Variants in AMER1 observed in about 807,000 individuals in gnomAD.
The protein encoded by AMER1 is APC membrane recruitment protein 1, also known as RP11-403E24.2.
A neutral mutation model predicts 53.0 loss-of-function variants in AMER1; 16 were observed. The observed-to-expected ratio is 0.30, with a 90% confidence interval of 0.20 to 0.46. AMER1 has a LOEUF of 0.46. Ranked by LOEUF, AMER1 falls within the 20% of genes least tolerant of loss-of-function variation. AMER1 has a pLI of 1.00. For missense variants in AMER1, 947 were observed against 884.9 expected (o/e 1.07, Z -0.89); for synonymous variants, 354 against 331.9 (o/e 1.07, Z -0.73).
At position 64,193,138 on chromosome X, in the gene AMER1, C is replaced by T. The variant is rs2147091201; in HGVS notation, c.149G>A (p.Gly50Asp). Residue 50 changes from glycine (G) to aspartate (D), a missense_variant, in exon 2 of 2, where the codon GGT (glycine) becomes GAT (aspartate). Coordinates refer to ENST00000374869, the MANE Select transcript of AMER1 (RefSeq NM_152424.4). ...PTSEPSSSGP[G>D]RLKKTAMKLF... is the part of the protein sequence containing the mutation. ...TTTCATGGCAGTTTTCTTCAGCCTA[C>T]CTGGGCCGGATGAGGATGGCTCTGA... 1 of 1,211,994 alleles carries T rather than the reference C, an allele frequency of 8.3e-7. No homozygotes were observed.
rs2147089044 is a variant in AMER1 at position 64,192,182 on chromosome X, C to T, written c.1105G>A (p.Gly369Arg). 8.3e-7 allele frequency: 1 copy of T among 1,212,019 alleles called. No individual in the cohort carries two copies. The highest frequency in any genetic ancestry group is 1.1e-6 in the Non-Finnish European group (1 of 895,553). Reference sequence around the variant, plus strand: ...TCATCTGGCAAGGCCATCTCCTCCCCACCTCCTTGGTAGGTCACCAGGCAG... The same window carrying T: ...TCATCTGGCAAGGCCATCTCCTCCCTACCTCCTTGGTAGGTCACCAGGCAG... Reference protein sequence around the residue: ...SSCLVTYQGGGEEMALPDDDD... With the variant: ...SSCLVTYQGGREEMALPDDDD... Residue 369 changes from glycine (G) to arginine (R), a missense_variant, in exon 2 of 2, where the codon GGG becomes AGG. Gly to Arg is a moderately radical substitution (Grantham distance 125). Coordinates refer to ENST00000374869, the MANE Select transcript of AMER1 (RefSeq NM_152424.4).
intron 1 of AMER1, among the ~76,000 whole-genome samples, chrX:64,203,130 TTG>T (rs1569194585): frequency 1.8e-5 from 2 of 112,253 alleles, no homozygotes; most frequent in African/African-American, 6.5e-5. Context: ...TCCAAGTAGT[TTG>T]TCTCTTGGCT....
In AMER1 at chrX:64,191,612, C is replaced by T; in HGVS notation, c.1675G>A (p.Glu559Lys). 1 of 1,212,536 alleles carries T rather than the reference C, an allele frequency of 8.2e-7. No homozygotes were observed. The highest frequency in any genetic ancestry group is 1.1e-6 in the Non-Finnish European group (1 of 895,690). Reference sequence around the variant, plus strand: ...TGTTTCTGGATGGTCACTAGCCGTTCTTCCTCTGTCTCCATTGCCCCAGGT... The same window carrying T: ...TGTTTCTGGATGGTCACTAGCCGTTTTTCCTCTGTCTCCATTGCCCCAGGT... ...RPPGAMETEE[E>K]RLVTIQKQLL... Residue 559 changes from glutamate to lysine, a missense_variant, in exon 2 of 2, where the codon GAA (glutamate) becomes AAA (lysine). Glu to Lys is a moderately conservative substitution (Grantham distance 56). Coordinates refer to ENST00000374869, the MANE Select transcript of AMER1 (RefSeq NM_152424.4).
Position 64,192,909 on chromosome X carries a change from T to C in AMER1, c.378A>G (p.Gln126=). The change falls in exon 2 of 2, where the codon CAA becomes CAG. Residue 126 remains glutamine (Q), a synonymous_variant. Coordinates refer to ENST00000374869, the MANE Select transcript of AMER1 (RefSeq NM_152424.4). ...FSLPLPELPC[Q]FPSSQSAHGA... is the part of the protein sequence containing the mutation. ...CATGGGCACTCTGAGAGCTGGGAAA[T>C]TGGCAGGGTAACTCAGGCAAAGGCA... is the stretch of plus-strand genomic sequence containing the variant. 8.3e-7 allele frequency: 1 copy of C among 1,211,650 alleles called. No individual in the cohort carries two copies. The highest frequency in any genetic ancestry group is 1.1e-6 in the Non-Finnish European group (1 of 895,516).
chrX:64,186,924 T>C lies in AMER1; in HGVS notation c.*2955A>G, dbSNP rs758377757. On this transcript the variant is annotated 3_prime_UTR_variant, in exon 2 of 2. Transcript: ENST00000374869. Reference sequence around the variant, plus strand: ...TCACAGCTGTCTGGCACTAGGCCTATTGGGTAATAAGATGAAGGCAGCTAC... The same window carrying C: ...TCACAGCTGTCTGGCACTAGGCCTACTGGGTAATAAGATGAAGGCAGCTAC... The C allele has an allele frequency of 2.8e-5, 22 of 772,806 alleles. No homozygotes were observed. In the Admixed American group the frequency reaches 1.6e-3, roughly 56 times the overall value. The allele number at this position is 772,806 out of a possible 1,213,427, so 63.7% of individuals were successfully genotyped here. A position where few individuals can be genotyped will look rare whatever the true frequency, so the allele number is the denominator to read the frequency against.
Position 64,191,314 on chromosome X carries a change from G to T in AMER1, c.1973C>A (p.Pro658His), listed in dbSNP as rs773774270. The T allele has an allele frequency of 5.0e-6, 6 of 1,211,493 alleles. No homozygotes were observed. The highest frequency in any genetic ancestry group is 6.7e-6 in the Non-Finnish European group (6 of 895,410). The change falls in exon 2 of 2, where the codon CCC (proline) becomes CAC (histidine). Residue 658 changes from proline (P) to histidine (H), a missense_variant. Coordinates refer to ENST00000374869, the MANE Select transcript of AMER1 (RefSeq NM_152424.4). ...EKPVLEYQMR[P>H]LGPSVMGLAA... ...CAGGCCCATCACTGATGGGCCTAAG[G>T]GCCTCATCTGATACTCTAAGACGGG... is the stretch of plus-strand genomic sequence containing the variant.
At position 64,187,140 on chromosome X, in the gene AMER1, C is replaced by T. The variant is rs1930126543; in HGVS notation, c.*2739G>A. ...TCTGTGTTTGGAAACAGGCCTGAAG[C>T]TTGGCTGGCTCTCCCAATGTCACCC... On this transcript the variant is annotated 3_prime_UTR_variant, in exon 2 of 2. Coordinates refer to ENST00000374869, the MANE Select transcript of AMER1 (RefSeq NM_152424.4). 1 of 785,075 alleles carries T rather than the reference C, an allele frequency of 1.3e-6. No individual in the cohort carries two copies. Among genetic ancestry groups the T allele is most frequent in the Admixed American group, 8.1e-5 (1 of 12,346 alleles). 64.7% of individuals were successfully genotyped at this position (785,075 alleles called of 1,213,427 possible). A position where few individuals can be genotyped will look rare whatever the true frequency, so the allele number is the denominator to read the frequency against.
At chrX:64,199,551 A>G (rs1431398706) in intron 1 of AMER1, among the ~76,000 whole-genome samples, 2 of 111,820 alleles carry the variant, frequency 1.8e-5, no homozygotes, top group African/African-American at 3.3e-5. Flanking sequence ...GCAAACTGGT[A>G]ACTACATACT....
In AMER1 at chrX:64,189,484, ATGTGTG is replaced by A. The variant is rs1175889958; in HGVS notation, c.*389_*394del. 115 of 390,336 alleles carry A rather than the reference ATGTGTG, an allele frequency of 2.9e-4. No homozygotes were observed. Among genetic ancestry groups the A allele is most frequent in the African/African-American group, 5.1e-4 (7 of 13,667 alleles). The allele number at this position is 390,336 out of a possible 1,213,427, so 32.2% of individuals were successfully genotyped here. A position where few individuals can be genotyped will look rare whatever the true frequency, so the allele number is the denominator to read the frequency against. On this transcript the variant is annotated 3_prime_UTR_variant, in exon 2 of 2. Transcript: ENST00000374869. ...TGTGTTTGTGTGTGTGTGTGTATGT[ATGTGTG>A]TGTGTGTGTGTGTGTGTGTGTGTGT...
Position 64,190,541 on chromosome X carries a change from G to A in AMER1, c.2746C>T (p.Leu916Phe), listed in dbSNP as rs781115849. 8.3e-7 allele frequency: 1 copy of A among 1,211,874 alleles called. No homozygotes were observed. The highest frequency in any genetic ancestry group is 3.0e-5 in the East Asian group (1 of 33,833). Reference sequence around the variant, plus strand: ...TGGGCCTGCAGCTCATCAGACTCGAGGTAGCCCTGGACCAAGTGGGAATTG... The same window carrying A: ...TGGGCCTGCAGCTCATCAGACTCGAAGTAGCCCTGGACCAAGTGGGAATTG... ...LSNSHLVQGY[L>F]ESDELQAQQE... Residue 916 changes from leucine to phenylalanine, a missense_variant, in exon 2 of 2, where the codon CTC (leucine) becomes TTC (phenylalanine). Coordinates refer to ENST00000374869, the MANE Select transcript of AMER1 (RefSeq NM_152424.4).
At chrX:64,204,490 A>G (rs1930554342) in intron 1 of AMER1, among the ~76,000 whole-genome samples, 1 of 113,348 alleles carries the variant, frequency 8.8e-6, no homozygotes, top group Non-Finnish European at 1.9e-5. Flanking sequence ...CACCAGTGTC[A>G]GAAGTGTCTC....
In AMER1 at chrX:64,192,942, G is replaced by A; in HGVS notation, c.345C>T (p.Gly115=). The A allele has an allele frequency of 1.7e-6, 2 of 1,211,726 alleles. No homozygotes were observed. The highest frequency in any genetic ancestry group is 2.2e-6 in the Non-Finnish European group (2 of 895,525). The change falls in exon 2 of 2, where the codon GGC becomes GGT. Residue 115 remains glycine, a synonymous_variant. Transcript: ENST00000374869. ...GTAACTCAGGCAAAGGCAGGGAGAA[G>A]CCAGTTCCTTCACTGACAACATCTT... The part of the protein sequence containing the change: ...GPEDVVSEGT[G]FSLPLPELPC...
At position 64,192,211 on chromosome X, in the gene AMER1, C is replaced by G. The variant is rs1235327141; in HGVS notation, c.1076G>C (p.Ser359Thr). The G allele has an allele frequency of 5.0e-6, 6 of 1,210,519 alleles. No homozygotes were observed. The highest frequency in any genetic ancestry group is 3.5e-5 in the African/African-American group (2 of 57,289). The change falls in exon 2 of 2, where the codon AGT becomes ACT. Residue 359 changes from serine to threonine, a missense_variant. Coordinates refer to ENST00000374869, the MANE Select transcript of AMER1 (RefSeq NM_152424.4). ...QRANRDGTKR[S>T]SCLVTYQGGG... Reference sequence around the variant, plus strand: ...TCCTTGGTAGGTCACCAGGCAGGAACTTCGCTTGGTCCCATCTCGGTTTGC... The same window carrying G: ...TCCTTGGTAGGTCACCAGGCAGGAAGTTCGCTTGGTCCCATCTCGGTTTGC...
chrX:64,201,025 G>A (rs1344881145), intron 1 of AMER1, among the ~76,000 whole-genome samples: 1 of 110,919 alleles, frequency 9.0e-6, no homozygotes, highest in Non-Finnish European at 1.9e-5. Context: ...GGTAAAAACT[G>A]TAGGAGATGA....
Position 64,188,436 on chromosome X carries a change from C to G in AMER1, c.*1443G>C. On this transcript the variant is annotated 3_prime_UTR_variant, in exon 2 of 2. Transcript: ENST00000374869. Reference sequence around the variant, plus strand: ...TTTCCAACCTAGTTTAACATGAAAACTGCATGGATGCAGGAGAAGGGAGGG... The same window carrying G: ...TTTCCAACCTAGTTTAACATGAAAAGTGCATGGATGCAGGAGAAGGGAGGG... 1.2e-6 allele frequency: 1 copy of G among 805,165 alleles called. No individual in the cohort carries two copies. Among genetic ancestry groups the G allele is most frequent in the Admixed American group, 7.5e-5 (1 of 13,299 alleles). 66.4% of individuals were successfully genotyped at this position (805,165 alleles called of 1,213,427 possible).
Position 64,186,654 on chromosome X carries a change from G to A in AMER1, c.*3225C>T. The A allele has an allele frequency of 1.4e-5, 11 of 773,547 alleles. No homozygotes were observed. The highest frequency in any genetic ancestry group is 1.7e-5 in the Non-Finnish European group (11 of 650,643). The allele number at this position is 773,547 out of a possible 1,213,427, so 63.7% of individuals were successfully genotyped here. On this transcript the variant is annotated 3_prime_UTR_variant, in exon 2 of 2. Coordinates refer to ENST00000374869, the MANE Select transcript of AMER1 (RefSeq NM_152424.4). The stretch of plus-strand genomic sequence containing the variant: ...GAAGCTACTTCCCTTCTTGGCATAG[G>A]ACTAAGGAGGGAGAGAGACTGGTGT...
chrX:64,191,398 G>A lies in AMER1; in HGVS notation c.1889C>T (p.Ala630Val), dbSNP rs2147087228. 1 of 1,211,812 alleles carries A rather than the reference G, an allele frequency of 8.3e-7. No homozygotes were observed. Among genetic ancestry groups the A allele is most frequent in the East Asian group, 3.0e-5 (1 of 33,805 alleles). The change falls in exon 2 of 2, where the codon GCC becomes GTC. Residue 630 changes from alanine (A) to valine (V), a missense_variant. Transcript: ENST00000374869. ...AGTCTCTCTACAACGAACCTCTCGG[G>A]CCTGGGCTTCTCGGGTTCTGGCCTC... ...GREARTREAQAREVRCRETQV... is the reference protein window; with the variant it reads ...GREARTREAQVREVRCRETQV...
intron 1 of AMER1, among the ~76,000 whole-genome samples, chrX:64,202,267 A>T (rs1305871692): frequency 8.9e-6 from 1 of 112,003 alleles, no homozygotes; most frequent in Non-Finnish European, 1.9e-5. Flanking sequence ...AAGAGGCAAA[A>T]GAGACATTAA....
In AMER1 at chrX:64,186,728, A is replaced by G; in HGVS notation, c.*3151T>C. On this transcript the variant is annotated 3_prime_UTR_variant, in exon 2 of 2. Coordinates refer to ENST00000374869, the MANE Select transcript of AMER1 (RefSeq NM_152424.4). ...GTCTTGTGGCCTGGTACCCAAGCTG[A>G]GGCCAGATAGGTAGGGCTGGCTTGA... The G allele has an allele frequency of 1.3e-6, 1 of 776,055 alleles. No homozygotes were observed. The highest frequency in any genetic ancestry group is 9.0e-5 in the East Asian group (1 of 11,055). The allele number at this position is 776,055 out of a possible 1,213,427, so 64.0% of individuals were successfully genotyped here.
Sources: allele counts gnomAD v4.1 joint callset (sites outside exome capture counted in the v4.1 genomes callset), GRCh38; gene constraint gnomAD v4.1.1; transcripts MANE v1.5; gene names NCBI Gene and HGNC (gene_info 2026-07-23, HGNC 2026-07-21).